Variants in CCDC174 observed in about 807,000 individuals in gnomAD.
CCDC174 encodes coiled-coil domain containing 174.
Under a neutral mutation model 57.1 loss-of-function variants are expected in CCDC174, and 37 were observed. That is an observed-to-expected ratio of 0.65 (90% CI 0.50 to 0.85). The LOEUF is 0.85. Among genes scored for constraint, CCDC174 ranks in the 40% least tolerant of loss-of-function variants. The pLI, the probability that CCDC174 is intolerant of heterozygous loss-of-function variation, is 0.00. For missense variants in CCDC174, 540 were observed against 574.3 expected, an observed-to-expected ratio of 0.94 and a Z score of 0.61; for synonymous variants, 182 against 190.2, an observed-to-expected ratio of 0.96 and a Z score of 0.35.
Position 14,661,613 on chromosome 3 carries a change from C to T in CCDC174, c.391C>T (p.His131Tyr). The change falls in exon 5 of 11, where the codon CAT becomes TAT. Residue 131 changes from histidine (H) to tyrosine (Y), a missense_variant. Physicochemically the swap from His to Tyr is moderately conservative, Grantham distance 83. Coordinates refer to ENST00000383794, the MANE Select transcript of CCDC174 (RefSeq NM_016474.5). Reference protein sequence around the residue: ...KRKEMEASGAHRDSQKAGERD... With the variant: ...KRKEMEASGAYRDSQKAGERD... ...CAAAGAAATGGAGGCATCTGGTGCC[C>T]ATAGAGATTCTCAAAAGGCAGGAGA... The T allele has an allele frequency of 1.2e-6, 2 of 1,614,076 alleles. No individual in the cohort carries two copies. The highest frequency in any genetic ancestry group is 4.5e-5 in the East Asian group (2 of 44,876).
At position 14,671,355 on chromosome 3, in the gene CCDC174, CT is replaced by C. The variant is rs2031505816; in HGVS notation, c.*164del. 4.4e-6 allele frequency: 3 copies of C among 686,658 alleles called. No individual in the cohort carries two copies. Among genetic ancestry groups the C allele is most frequent in the Non-Finnish European group, 7.2e-6 (3 of 418,680 alleles). The allele number at this position is 686,658 out of a possible 1,614,324, so 42.5% of individuals were successfully genotyped here. ...TCAGCAAGGAGGAAAGTTATGGAAA[CT>C]TTGGCCACTTGGCTGTTCATTTTAT... On this transcript the variant is annotated 3_prime_UTR_variant, in exon 11 of 11. Transcript: ENST00000383794.
chr3:14,654,823 A>G (rs1399161550), intron 2 of CCDC174, among the ~76,000 whole-genome samples: 2 of 152,246 alleles, frequency 1.3e-5, no homozygotes, highest in African/African-American at 2.4e-5. Flanking sequence ...GTATCCAAAT[A>G]GAGATAAACA....
At chr3:14,652,802 T>G (rs1367134649) in intron 1 of CCDC174, among the ~76,000 whole-genome samples, 1 of 150,794 alleles carries the variant, frequency 6.6e-6, no homozygotes, top group Non-Finnish European at 1.5e-5. Flanking sequence ...CTCGGGAAGC[T>G]GAGGCAGGAG....
At chr3:14,667,986 C>T (rs368371038) in intron 8 of CCDC174, 63 bp from the exon 9 acceptor site, 1 of 1,507,020 alleles carries the variant, frequency 6.6e-7, no homozygotes, top group South Asian at 1.3e-5. Flanking sequence ...AAAATTTCAT[C>T]TTTTTGGACA....
In CCDC174 at chr3:14,668,156, A is replaced by G; in HGVS notation, c.927A>G (p.Glu309=). 1 of 1,611,794 alleles carries G rather than the reference A, an allele frequency of 6.2e-7. No homozygotes were observed. The highest frequency in any genetic ancestry group is 8.5e-7 in the Non-Finnish European group (1 of 1,179,264). ...LRQKKMKKSK[E]GGTEEENRDG... is the part of the protein sequence containing the mutation. ...AAAAAAAGATGAAAAAATCAAAAGA[A>G]GGTGGAACAGAAGAAGAAAATAGAG... Residue 309 remains glutamate (E), a synonymous_variant, in exon 9 of 11, where the codon GAA becomes GAG. Transcript: ENST00000383794.
chr3:14,658,827 C>A, intron 3 of CCDC174, 44 bp from the exon 4 acceptor site: 1 of 1,524,250 alleles, frequency 6.6e-7, no homozygotes, highest in Non-Finnish European at 8.9e-7. Flanking sequence ...CCAGGATGAA[C>A]AGTTATAAGA....
chr3:14,651,974 C>T, intron 1 of CCDC174, 96 bp downstream of exon 1: 1 of 1,232,288 alleles, frequency 8.1e-7, no homozygotes, highest in Non-Finnish European at 1.2e-6. Context: ...ACTCGGGGAC[C>T]CAGAGACCTG....
chr3:14,661,149 C>T (rs1472182797), intron 4 of CCDC174, among the ~76,000 whole-genome samples: 1 of 152,186 alleles, frequency 6.6e-6, no homozygotes, highest in Non-Finnish European at 1.5e-5. Context: ...ATATATAACG[C>T]CTAAAGCAAG....
At chr3:14,651,982 C>G in intron 1 of CCDC174, 104 bp downstream of exon 1, 1 of 1,124,422 alleles carries the variant, frequency 8.9e-7, no homozygotes, top group South Asian at 1.3e-5. Flanking sequence ...ACCCAGAGAC[C>G]TGACCTCTCC....
intron 3 of CCDC174, 97 bp downstream of exon 3, chr3:14,655,726 A>G (rs1472487721): frequency 1.5e-6 from 1 of 673,034 alleles, no homozygotes; most frequent in African/African-American, 1.9e-5. Flanking sequence ...TACAAATTTT[A>G]TTTTTAACAT....
intron 5 of CCDC174, chr3:14,661,966 T>C: frequency 2.9e-6 from 1 of 342,834 alleles, no homozygotes; most frequent in Non-Finnish European, 5.3e-6. Context: ...TGCCCAGCTC[T>C]GTGCCAGGCC....
chr3:14,662,913 C>T (rs1040058296), intron 5 of CCDC174, among the ~76,000 whole-genome samples: 8 of 152,170 alleles, frequency 5.3e-5, no homozygotes, highest in African/African-American at 1.7e-4. Flanking sequence ...ATCTTTTTAC[C>T]TACTGTCTTA....
At chr3:14,659,253 A>G (rs935929531) in intron 4 of CCDC174, among the ~76,000 whole-genome samples, 3 of 131,402 alleles carry the variant, frequency 2.3e-5, no homozygotes, top group African/African-American at 8.6e-5. Flanking sequence ...GTAGGCCGCA[A>G]TTACCTACAA....
chr3:14,667,732 G>A (rs912181347), intron 8 of CCDC174, among the ~76,000 whole-genome samples: 1 of 152,228 alleles, frequency 6.6e-6, no homozygotes, highest in African/African-American at 2.4e-5. Context: ...GGTCCCAAAT[G>A]TGGTACTTTT....
Position 14,671,747 on chromosome 3 carries a change from G to C in CCDC174, c.*553G>C, listed in dbSNP as rs183037242. The C allele has an allele frequency of 6.5e-6, 1 of 152,884 alleles. No individual in the cohort carries two copies. The highest frequency in any genetic ancestry group is 1.9e-4 in the East Asian group (1 of 5,198). The allele number at this position is 152,884 out of a possible 1,614,324, so 9.5% of individuals were successfully genotyped here. A position where few individuals can be genotyped will look rare whatever the true frequency, so the allele number is the denominator to read the frequency against. ...GAGGAGCTCTTCGTAGTCCAGAAAG[G>C]TAGAAGTGGGAGTTGTTTACTTAAT... On this transcript the variant is annotated 3_prime_UTR_variant, in exon 11 of 11. Coordinates refer to ENST00000383794, the MANE Select transcript of CCDC174 (RefSeq NM_016474.5).
chr3:14,671,922 A>G lies in CCDC174; in HGVS notation c.*728A>G, dbSNP rs1488596973. On this transcript the variant is annotated 3_prime_UTR_variant, in exon 11 of 11. Transcript: ENST00000383794. ...GGCAATGGTTAGAGCTTTTCAGTGC[A>G]TCCCACCTCCCTGTCGCCCCCATGC... 2 of 152,402 alleles carry G rather than the reference A, an allele frequency of 1.3e-5. No homozygotes were observed. Among genetic ancestry groups the G allele is most frequent in the African/African-American group, 4.8e-5 (2 of 41,458 alleles). 9.4% of individuals were successfully genotyped at this position (152,402 alleles called of 1,614,324 possible).
intron 7 of CCDC174, 145 bp from the exon 8 acceptor site, chr3:14,667,279 T>C: frequency 1.4e-6 from 1 of 697,678 alleles, no homozygotes; most frequent in South Asian, 2.0e-5. Context: ...GGTTTTTTGT[T>C]TCTTCGCTTA....
chr3:14,661,343 T>A (rs1231922323), intron 4 of CCDC174, among the ~76,000 whole-genome samples, 187 bp from the exon 5 acceptor site: 4 of 151,834 alleles, frequency 2.6e-5, no homozygotes, highest in South Asian at 2.1e-4. Flanking sequence ...TTTTCAAGAT[T>A]TTTTTGTGTA....
chr3:14,663,158 A>G (rs1392621311), intron 5 of CCDC174, among the ~76,000 whole-genome samples: 1 of 152,132 alleles, frequency 6.6e-6, no homozygotes, highest in Admixed American at 6.5e-5. Flanking sequence ...GGCTGAAGCA[A>G]TCCTCCTGCC....
Sources: allele counts gnomAD v4.1 joint callset (sites outside exome capture counted in the v4.1 genomes callset), GRCh38; gene constraint gnomAD v4.1.1; transcripts MANE v1.5; gene names NCBI Gene and HGNC (gene_info 2026-07-23, HGNC 2026-07-21).